CAP2: variants seen among roughly 807,000 people sequenced by gnomAD.
The protein encoded by CAP2 is cyclase associated actin cytoskeleton regulatory protein 2.
CAP2 carries 24 observed loss-of-function variants against 57.7 expected under a neutral mutation model. The ratio of observed to expected loss-of-function variants is 0.42; its 90% CI spans 0.30 to 0.58. CAP2 has a LOEUF of 0.58. Among genes scored for constraint, CAP2 ranks in the 20% least tolerant of loss-of-function variants. CAP2 has a pLI of 0.22. For synonymous variants in CAP2, 194 were observed against 207.2 expected (o/e 0.94, Z 0.55); for missense variants, 501 against 590.3 (o/e 0.85, Z 1.57).
Position 17,509,961 on chromosome 6 carries a change from C to A in CAP2, c.530+2235C>A, listed in dbSNP as rs953957101. ...ATGGATGAACCTTGAAAATATTGTGCTAAGTGAAAGAAGCCAGGCACAAAG... is the reference window on the plus strand; with the variant it reads ...ATGGATGAACCTTGAAAATATTGTGATAAGTGAAAGAAGCCAGGCACAAAG... On this transcript the variant is annotated intron_variant, in intron 6 of 12. Coordinates refer to ENST00000229922, the MANE Select transcript of CAP2 (RefSeq NM_006366.3). Among the ~76,000 whole-genome samples, 7 of 152,050 alleles carry A rather than the reference C, an allele frequency of 4.6e-5. No individual in the cohort carries two copies. In the South Asian group the frequency reaches 6.2e-4, roughly 14 times the overall value.
chr6:17,437,421 A>G (rs763084993), intron 3 of CAP2, among the ~76,000 whole-genome samples: 76 of 152,200 alleles, frequency 5.0e-4, no homozygotes, highest in Non-Finnish European at 8.7e-4. Context: ...TGCCTGTTAT[A>G]CTTTCATCAG....
intron 1 of CAP2, among the ~76,000 whole-genome samples, chr6:17,398,528 CTT>C (rs71536724): frequency 4.8e-5 from 7 of 144,548 alleles, no homozygotes; most frequent in Non-Finnish European, 7.6e-5. Context: ...CGATTTTAAA[CTT>C]TTTTTTTTTT....
chr6:17,527,901 C>G (rs1444400604), intron 7 of CAP2, among the ~76,000 whole-genome samples: 1 of 152,148 alleles, frequency 6.6e-6, no homozygotes, highest in Admixed American at 6.5e-5. Flanking sequence ...CTGTGCCTGG[C>G]CATGTGTTCA....
intron 12 of CAP2, among the ~76,000 whole-genome samples, chr6:17,553,404 C>T (rs1157649887): frequency 1.3e-5 from 2 of 152,104 alleles, no homozygotes; most frequent in African/African-American, 4.8e-5. Flanking sequence ...GAGGCCGAGG[C>T]GGGCAGATCA....
chr6:17,424,291 T>G (rs1021626967), intron 2 of CAP2, among the ~76,000 whole-genome samples: 1 of 151,984 alleles, frequency 6.6e-6, no homozygotes, highest in African/African-American at 2.4e-5. Context: ...TCCCAGCTAC[T>G]CGGGAGGCTG....
chr6:17,413,308 G>T (rs1220978333), intron 1 of CAP2, among the ~76,000 whole-genome samples: 1 of 152,086 alleles, frequency 6.6e-6, no homozygotes, highest in Non-Finnish European at 1.5e-5. Flanking sequence ...AAACATCTTT[G>T]CAATAAAAAG....
At chr6:17,528,007 T>C (rs1440120017) in intron 7 of CAP2, among the ~76,000 whole-genome samples, 2 of 152,252 alleles carry the variant, frequency 1.3e-5, no homozygotes, top group Non-Finnish European at 2.9e-5. Context: ...CCTATGTTTT[T>C]AGAAGGGCCA....
intron 1 of CAP2, among the ~76,000 whole-genome samples, chr6:17,401,093 T>A (rs1175383637): frequency 6.6e-6 from 1 of 152,148 alleles, no homozygotes; most frequent in South Asian, 2.1e-4. Context: ...GCTGCTGTGG[T>A]CTGAATGTTT....
At chr6:17,489,169 C>T (rs529131572) in intron 4 of CAP2, among the ~76,000 whole-genome samples, 5 of 152,310 alleles carry the variant, frequency 3.3e-5, no homozygotes, top group South Asian at 2.1e-4. Context: ...TGCAGTGGCT[C>T]ACGCCTGTAA....
chr6:17,493,326 T>C, intron 4 of CAP2: 1 of 276,640 alleles, frequency 3.6e-6, no homozygotes. Context: ...CACCTCAATT[T>C]GTTAAGATAT....
chr6:17,488,820 C>T lies in CAP2; in HGVS notation c.301-18349C>T, dbSNP rs1263527717. Among the ~76,000 whole-genome samples, 3 of 152,178 alleles carry T rather than the reference C, an allele frequency of 2.0e-5. No individual in the cohort carries two copies. The East Asian group carries it at 5.8e-4, about 29-fold the overall frequency. Reference sequence around the variant, plus strand: ...AGCACACTTGGTCTTGAATTATACCCTCTGGACATCTAAGGGATTCATGAA... The same window carrying T: ...AGCACACTTGGTCTTGAATTATACCTTCTGGACATCTAAGGGATTCATGAA... On this transcript the variant is annotated intron_variant, in intron 4 of 12. Coordinates refer to ENST00000229922, the MANE Select transcript of CAP2 (RefSeq NM_006366.3).
At chr6:17,479,761 G>A (rs1015860309) in intron 4 of CAP2, among the ~76,000 whole-genome samples, 1 of 151,500 alleles carries the variant, frequency 6.6e-6, no homozygotes, top group African/African-American at 2.4e-5. Context: ...ACAGTCACCC[G>A]CCACCACACC....
chr6:17,489,997 A>G, intron 4 of CAP2, among the ~76,000 whole-genome samples: 1 of 152,078 alleles, frequency 6.6e-6, no homozygotes, highest in East Asian at 1.9e-4. Context: ...CACACAACAC[A>G]ATGCATTATC....
At chr6:17,395,567 A>G (rs1297298997) in intron 1 of CAP2, among the ~76,000 whole-genome samples, 1 of 152,202 alleles carries the variant, frequency 6.6e-6, no homozygotes, top group Admixed American at 6.5e-5. Flanking sequence ...GCCTATTGAA[A>G]GGATTAATGG....
intron 7 of CAP2, chr6:17,536,200 T>C (rs1762769754): frequency 2.2e-6 from 1 of 456,680 alleles, no homozygotes; most frequent in Non-Finnish European, 4.4e-6. Context: ...TAAGAGAATA[T>C]AGAAAGTTCT....
chr6:17,502,338 C>T (rs1192251271), intron 4 of CAP2, among the ~76,000 whole-genome samples: 1 of 152,222 alleles, frequency 6.6e-6, no homozygotes, highest in Middle Eastern at 3.2e-3. Context: ...ATGGAAGTCA[C>T]ACCATCACTC....
Position 17,469,482 on chromosome 6 carries a change from G to T in CAP2, c.300+6409G>T, listed in dbSNP as rs558272468. On this transcript the variant is annotated intron_variant, in intron 4 of 12. Transcript: ENST00000229922. ...GAATCAATATGTACCTGCACATAGAGAAAAAATTAATCTTAAGTTTTTCAA... is the reference window on the plus strand; with the variant it reads ...GAATCAATATGTACCTGCACATAGATAAAAAATTAATCTTAAGTTTTTCAA... 2.2e-4 allele frequency among the ~76,000 whole-genome samples: 34 copies of T among 152,144 alleles called. No homozygotes were observed. The South Asian group carries it at 4.4e-3, about 20-fold the overall frequency.
intron 3 of CAP2, among the ~76,000 whole-genome samples, chr6:17,432,719 C>CATTGCTTG (rs1554122120): frequency 6.6e-6 from 1 of 151,038 alleles, no homozygotes; most frequent in East Asian, 2.0e-4. Flanking sequence ...CCCTCCACCC[C>CATTGCTTG]CTTGCTTGCT....
chr6:17,496,191 G>T (rs928658004), intron 4 of CAP2, among the ~76,000 whole-genome samples: 1 of 152,120 alleles, frequency 6.6e-6, no homozygotes, highest in African/African-American at 2.4e-5. Context: ...TACCCCACAG[G>T]CCTCTTATAG....
Sources: allele counts gnomAD v4.1 joint callset (sites outside exome capture counted in the v4.1 genomes callset), GRCh38; gene constraint gnomAD v4.1.1; transcripts MANE v1.5; gene names NCBI Gene and HGNC (gene_info 2026-07-23, HGNC 2026-07-21).